MIF4GD: variants seen among roughly 807,000 people sequenced by gnomAD.
MIF4GD encodes the protein MIF4G domain-containing protein.
A neutral mutation model predicts 26.7 loss-of-function variants in MIF4GD; 22 were observed. That is an observed-to-expected ratio of 0.82 (90% CI 0.59 to 1.18). The LOEUF (loss-of-function observed/expected upper bound fraction) is 1.18, where lower values mean the gene tolerates loss of function less well. MIF4GD is among the 50% of genes most tolerant of loss of function. The pLI is 0.00. For synonymous variants in MIF4GD, 137 were observed against 111.6 expected (o/e 1.23, Z -1.43); for missense variants, 262 against 279.6 (o/e 0.94, Z 0.45).
In MIF4GD at chr17:75,267,825, C is replaced by T. The variant is rs748630101; in HGVS notation, c.269G>A (p.Arg90Gln). ...LNRLQQEYQAREQLRARSLQG... is the reference protein window; with the variant it reads ...LNRLQQEYQAQEQLRARSLQG... ...CAGGGAGCGTGCTCGCAGCTGCTCC[C>T]GAGCCTGGTACTCCTGCTGCAGCCG... Residue 90 changes from arginine (R) to glutamine (Q), a missense_variant, in exon 4 of 6, where the codon CGG (arginine) becomes CAG (glutamine). Arg to Gln is a conservative substitution (Grantham distance 43). Transcript: ENST00000325102. 2 of 1,614,028 alleles carry T rather than the reference C, an allele frequency of 1.2e-6. No individual in the cohort carries two copies. Among genetic ancestry groups the T allele is most frequent in the South Asian group, 1.1e-5 (1 of 91,078 alleles).
At chr17:75,267,692 G>T in intron 4 of MIF4GD, 54 bp downstream of exon 4, 2 of 1,612,440 alleles carry the variant, frequency 1.2e-6, no homozygotes, top group Non-Finnish European at 1.7e-6. Context: ...AGTCCAACCT[G>T]GGCCTCAGGA....
intron 2 of MIF4GD, chr17:75,269,308 C>T: frequency 6.2e-7 from 1 of 1,610,256 alleles, no homozygotes; most frequent in Non-Finnish European, 8.5e-7. Context: ...CTCGGCTTGA[C>T]ACATGATGGG....
Position 75,270,015 on chromosome 17 carries a change from G to A in MIF4GD, c.82+99C>T. On this transcript the variant is annotated intron_variant, in intron 2 of 5. Coordinates refer to ENST00000325102, the MANE Select transcript of MIF4GD (RefSeq NM_001370592.1). The surrounding 1 kb of genome is among the most constrained non-coding windows in gnomAD (Gnocchi z 5.7). ...GACTCCTATCGTCAGAGAATGAGGG[G>A]AGGGGTGGAGGCATTCACCAGGCTC... 1.1e-6 allele frequency: 1 copy of A among 948,864 alleles called. No homozygotes were observed. The allele number at this position is 948,864 out of a possible 1,614,324, so 58.8% of individuals were successfully genotyped here.
At chr17:75,267,061 T>C in intron 5 of MIF4GD, 94 bp from the exon 6 acceptor site, 1 of 1,054,222 alleles carries the variant, frequency 9.5e-7, no homozygotes, top group East Asian at 2.6e-5. Context: ...GCTTTGCCTT[T>C]ACACTCATTC....
chr17:75,268,206 T>G lies in MIF4GD; in HGVS notation c.83-14A>C, dbSNP rs1268918802. The G allele has an allele frequency of 1.2e-6, 2 of 1,602,562 alleles. No individual in the cohort carries two copies. Among genetic ancestry groups the G allele is most frequent in the Non-Finnish European group, 1.7e-6 (2 of 1,169,628 alleles). ...CAGCACCCGGATCTAGGGGTAGAGA[T>G]AGGAGGGGAGTCTAGAGCTGCTGCT... On this transcript the variant is annotated splice_polypyrimidine_tract_variant and intron_variant, in intron 2 of 5. Coordinates refer to ENST00000325102, the MANE Select transcript of MIF4GD (RefSeq NM_001370592.1).
rs1253033262 is a variant in MIF4GD at position 75,270,411 on chromosome 17, G to C, written c.-50-166C>G. On this transcript the variant is annotated intron_variant, in intron 1 of 5. Transcript: ENST00000325102. The surrounding 1 kb of genome is among the most constrained non-coding windows in gnomAD (Gnocchi z 5.7). ...CCCACCAGGCTTGGCTTCTGGTGGG[G>C]ACTGGGCATCAGCCAGGCACCTGCT... 1 of 563,398 alleles carries C rather than the reference G, an allele frequency of 1.8e-6. No individual in the cohort carries two copies. The highest frequency in any genetic ancestry group is 3.2e-6 in the Non-Finnish European group (1 of 312,770). The allele number at this position is 563,398 out of a possible 1,614,324, so 34.9% of individuals were successfully genotyped here.
In MIF4GD at chr17:75,266,608, G is replaced by T; in HGVS notation, c.*132C>A. 1.2e-6 allele frequency: 1 copy of T among 828,150 alleles called. No homozygotes were observed. Among genetic ancestry groups the T allele is most frequent in the African/African-American group, 1.7e-5 (1 of 59,120 alleles). 51.3% of individuals were successfully genotyped at this position (828,150 alleles called of 1,614,324 possible). On this transcript the variant is annotated 3_prime_UTR_variant, in exon 6 of 6. Coordinates refer to ENST00000325102, the MANE Select transcript of MIF4GD (RefSeq NM_001370592.1). ...GTGGGAAACATCTCACCAGGAGATGGGAAAGTCTAGAAGGGAAGACACTCA... is the reference window on the plus strand; with the variant it reads ...GTGGGAAACATCTCACCAGGAGATGTGAAAGTCTAGAAGGGAAGACACTCA...
rs1766084411 is a variant in MIF4GD at position 75,269,425 on chromosome 17, C to G, written c.82+689G>C. 1 of 1,614,056 alleles carries G rather than the reference C, an allele frequency of 6.2e-7. No individual in the cohort carries two copies. Among genetic ancestry groups the G allele is most frequent in the Middle Eastern group, 1.6e-4 (1 of 6,062 alleles). On this transcript the variant is annotated intron_variant, in intron 2 of 5. Transcript: ENST00000325102. ...CTCCTCTGGCAAACGGAATATTCTC[C>G]ATCTTCTGTCTCAAAGCAGGCAACT...
intron 5 of MIF4GD, 113 bp from the exon 6 acceptor site, chr17:75,267,080 C>T (rs1409134851): frequency 8.2e-6 from 7 of 852,350 alleles, no homozygotes; most frequent in Non-Finnish European, 1.1e-5. Flanking sequence ...TCCCTTGCTC[C>T]CTCCTTACCA....
rs1052774135 is a variant in MIF4GD at position 75,267,734 on chromosome 17, C to T, written c.348+12G>A. On this transcript the variant is annotated intron_variant, in intron 4 of 5. Coordinates refer to ENST00000325102, the MANE Select transcript of MIF4GD (RefSeq NM_001370592.1). ...CCATGTCTGCCTCCCAGGGTGGCTG[C>T]CGGGGCCTCACCCTCAGGTAGTCAA... 1 of 1,611,974 alleles carries T rather than the reference C, an allele frequency of 6.2e-7. No individual in the cohort carries two copies. Among genetic ancestry groups the T allele is most frequent in the South Asian group, 1.1e-5 (1 of 90,912 alleles).
chr17:75,266,657 G>C lies in MIF4GD; in HGVS notation c.*83C>G. ...CAAAGTCTGGAAGGGAAAAGTCTTT[G>C]GGTGAGGCAGAGACTCCACTGCCAG... On this transcript the variant is annotated 3_prime_UTR_variant, in exon 6 of 6. Transcript: ENST00000325102. The C allele has an allele frequency of 7.8e-7, 1 of 1,286,936 alleles. No homozygotes were observed. Among genetic ancestry groups the C allele is most frequent in the Non-Finnish European group, 1.1e-6 (1 of 885,888 alleles). The allele number at this position is 1,286,936 out of a possible 1,614,324, so 79.7% of individuals were successfully genotyped here.
intron 2 of MIF4GD, among the ~76,000 whole-genome samples, chr17:75,268,535 G>A (rs1163766618): frequency 6.6e-6 from 1 of 151,738 alleles, no homozygotes; most frequent in African/African-American, 2.4e-5. Context: ...GTGGTGGCTC[G>A]TGCGTCATCT....
chr17:75,266,994 A>G (rs1206917309), intron 5 of MIF4GD, 27 bp from the exon 6 acceptor site: 1 of 1,596,692 alleles, frequency 6.3e-7, no homozygotes, highest in Admixed American at 1.7e-5. Flanking sequence ...GGGTAACACA[A>G]GTGAACTGGG....
chr17:75,266,409 A>G lies in MIF4GD; in HGVS notation c.*331T>C, dbSNP rs2077486314. The G allele has an allele frequency of 2.4e-6, 1 of 418,202 alleles. No homozygotes were observed. The highest frequency in any genetic ancestry group is 4.5e-6 in the Non-Finnish European group (1 of 223,656). The allele number at this position is 418,202 out of a possible 1,614,324, so 25.9% of individuals were successfully genotyped here. On this transcript the variant is annotated 3_prime_UTR_variant, in exon 6 of 6. Coordinates refer to ENST00000325102, the MANE Select transcript of MIF4GD (RefSeq NM_001370592.1). ...TCTGCCTCCACCCCTTGACATCCCAAAATATCCCACCAGTGGCTATGCTTA... is the reference window on the plus strand; with the variant it reads ...TCTGCCTCCACCCCTTGACATCCCAGAATATCCCACCAGTGGCTATGCTTA...
chr17:75,268,045 TCCTC>T, intron 3 of MIF4GD, 34 bp downstream of exon 3: 1 of 1,609,960 alleles, frequency 6.2e-7, no homozygotes, highest in Non-Finnish European at 8.5e-7. Context: ...TGAAGCACCT[TCCTC>T]AAAGCAGCTT....
chr17:75,270,086 C>A lies in MIF4GD; in HGVS notation c.82+28G>T. ...GGGGCCCTTCTCTGTAGCTCCTGAC[C>A]CCAGCTCAGGAGGGGTCCCGTGCTC... On this transcript the variant is annotated intron_variant, in intron 2 of 5. Coordinates refer to ENST00000325102, the MANE Select transcript of MIF4GD (RefSeq NM_001370592.1). This position sits in a 1 kb window ranked among gnomAD's most constrained non-coding sequence, Gnocchi z 5.7. 6.2e-7 allele frequency: 1 copy of A among 1,608,600 alleles called. No homozygotes were observed. Among genetic ancestry groups the A allele is most frequent in the Non-Finnish European group, 8.5e-7 (1 of 1,175,342 alleles).
chr17:75,268,881 G>A (rs949830277), intron 2 of MIF4GD, among the ~76,000 whole-genome samples: 1 of 151,456 alleles, frequency 6.6e-6, no homozygotes. Context: ...GCGGGCCCCT[G>A]TAACCCCAGC....
At chr17:75,268,290 A>T in intron 2 of MIF4GD, 98 bp from the exon 3 acceptor site, 1 of 895,486 alleles carries the variant, frequency 1.1e-6, no homozygotes. Flanking sequence ...TAGAGCACTC[A>T]TATGCTTGAA....
At position 75,270,179 on chromosome 17, in the gene MIF4GD, C is replaced by A; in HGVS notation, c.17G>T (p.Arg6Ile). The A allele has an allele frequency of 6.2e-7, 1 of 1,614,056 alleles. No individual in the cohort carries two copies. The highest frequency in any genetic ancestry group is 1.1e-5 in the South Asian group (1 of 91,084). ...AAAGGACTGGATTTTATACTCCTCT[C>A]TACTGGGCTCCCCCATGACTAGCCA... MGEPSREEYKIQSFDA... is the reference protein window; with the variant it reads MGEPSIEEYKIQSFDA... The change falls in exon 2 of 6, where the codon AGA becomes ATA. Residue 6 changes from arginine to isoleucine, a missense_variant. Coordinates refer to ENST00000325102, the MANE Select transcript of MIF4GD (RefSeq NM_001370592.1). The surrounding 1 kb of genome is among the most constrained non-coding windows in gnomAD (Gnocchi z 5.7).
Sources: allele counts gnomAD v4.1 joint callset (sites outside exome capture counted in the v4.1 genomes callset), GRCh38; gene constraint gnomAD v4.1.1; non-coding constraint Gnocchi (gnomAD v3.1); transcripts MANE v1.5; gene names NCBI Gene and HGNC (gene_info 2026-07-23, HGNC 2026-07-21).